ANXA10: variants seen among roughly 807,000 people sequenced by gnomAD.
The protein encoded by ANXA10 is annexin 14.
Under a neutral mutation model 53.5 loss-of-function variants are expected in ANXA10, and 49 were observed. The observed-to-expected ratio is 0.92, with a 90% CI of 0.73 to 1.16. ANXA10 has a LOEUF of 1.16. ANXA10 is among the 50% of genes most tolerant of loss of function. ANXA10 has a pLI of 0.00. For missense variants in ANXA10, 393 were observed against 394.4 expected (o/e 1.00, Z 0.03); for synonymous variants, 131 against 128.9 (o/e 1.02, Z -0.11).
chr4:168,141,230 G>C (rs1343061646), intron 3 of ANXA10, among the ~76,000 whole-genome samples: 1 of 152,120 alleles, frequency 6.6e-6, no homozygotes, highest in Non-Finnish European at 1.5e-5. Context: ...AAATTGCACT[G>C]CCTGGAAAAC....
chr4:168,156,215 A>G (rs1578923491), intron 3 of ANXA10, among the ~76,000 whole-genome samples: 1 of 22,256 alleles, frequency 4.5e-5, no homozygotes, highest in African/African-American at 2.3e-4. Flanking sequence ...ATTATATTAT[A>G]TGTAATATGT....
At chr4:168,183,144 A>T (rs550290006) in intron 10 of ANXA10, among the ~76,000 whole-genome samples, 1 of 152,338 alleles carries the variant, frequency 6.6e-6, no homozygotes, top group South Asian at 2.1e-4. Flanking sequence ...TTTAATCATC[A>T]GTTTTATCCT....
intron 1 of ANXA10, among the ~76,000 whole-genome samples, chr4:168,125,860 C>A (rs551929599): frequency 2.6e-5 from 4 of 152,018 alleles, no homozygotes; most frequent in Non-Finnish European, 5.9e-5. Flanking sequence ...GGAGAGTATT[C>A]TTTATTCCTT....
At chr4:168,155,855 CATATATG>C (rs1560783922) in intron 3 of ANXA10, among the ~76,000 whole-genome samples, 97 of 2,448 alleles carry the variant, frequency 0.04, 9 homozygotes, top group African/African-American at 0.1. Context: ...TATAATATAT[CATATATG>C]ATATATCATA....
At chr4:168,176,447 A>G (rs1469004702) in intron 6 of ANXA10, among the ~76,000 whole-genome samples, 1 of 152,114 alleles carries the variant, frequency 6.6e-6, no homozygotes, top group African/African-American at 2.4e-5. Flanking sequence ...ACATAGTTCA[A>G]ATCAATGTGG....
intron 2 of ANXA10, among the ~76,000 whole-genome samples, chr4:168,136,731 G>C (rs1731243728): frequency 6.6e-6 from 1 of 152,164 alleles, no homozygotes; most frequent in Non-Finnish European, 1.5e-5. Context: ...CAAGATGTCA[G>C]TTCATCTACC....
At chr4:168,118,789 G>A (rs1309773933) in intron 1 of ANXA10, among the ~76,000 whole-genome samples, 1 of 152,146 alleles carries the variant, frequency 6.6e-6, no homozygotes, top group Non-Finnish European at 1.5e-5. Flanking sequence ...TTGCTGAAAT[G>A]TGTAAAGACA....
At chr4:168,140,168 T>C (rs1393045466) in intron 3 of ANXA10, among the ~76,000 whole-genome samples, 1 of 152,226 alleles carries the variant, frequency 6.6e-6, no homozygotes. Flanking sequence ...GCAAGTACCA[T>C]TAAAGATTCC....
intron 1 of ANXA10, among the ~76,000 whole-genome samples, chr4:168,097,701 G>A (rs1013220995): frequency 6.6e-6 from 1 of 151,960 alleles, no homozygotes; most frequent in African/African-American, 2.4e-5. Context: ...GGTGTCCCTG[G>A]TCCCACCTCC....
At chr4:168,096,758 A>G (rs9799627) in intron 1 of ANXA10, among the ~76,000 whole-genome samples, 80,218 of 150,978 alleles carry the variant, frequency 0.53, 22,438 homozygotes, top group Non-Finnish European at 0.63. Flanking sequence ...TATCTGGAGC[A>G]TAGAAGCATC....
At chr4:168,184,817 C>A in intron 11 of ANXA10, 136 bp downstream of exon 11, 1 of 1,172,468 alleles carries the variant, frequency 8.5e-7, no homozygotes, top group Non-Finnish European at 1.2e-6. Context: ...TAGTTTTTTT[C>A]CTCTACACAG....
chr4:168,129,079 C>A (rs1203164132), intron 2 of ANXA10, among the ~76,000 whole-genome samples: 1 of 152,064 alleles, frequency 6.6e-6, no homozygotes, highest in Non-Finnish European at 1.5e-5. Flanking sequence ...TAAAAGAAAT[C>A]TTTGCATAAG....
At chr4:168,170,549 G>A (rs558721979) in intron 6 of ANXA10, among the ~76,000 whole-genome samples, 13 of 152,220 alleles carry the variant, frequency 8.5e-5, no homozygotes, top group African/African-American at 2.9e-4. Context: ...ACTCTTTTCC[G>A]TTTGTGGTTC....
intron 2 of ANXA10, among the ~76,000 whole-genome samples, chr4:168,137,872 CA>C (rs1308487043): frequency 6.6e-6 from 1 of 151,960 alleles, no homozygotes; most frequent in Non-Finnish European, 1.5e-5. Context: ...TACTGTTTCC[CA>C]CAAAGATCAT....
chr4:168,139,626 A>C, intron 3 of ANXA10, 46 bp downstream of exon 3: 1 of 1,438,064 alleles, frequency 7.0e-7, no homozygotes, highest in Non-Finnish European at 9.7e-7. Context: ...ATCTCTTGAG[A>C]ACTAACCACA....
chr4:168,120,432 G>T (rs1579208443), intron 1 of ANXA10, among the ~76,000 whole-genome samples: 1 of 152,060 alleles, frequency 6.6e-6, no homozygotes, highest in African/African-American at 2.4e-5. Flanking sequence ...ATTCATTTAA[G>T]AAAATATTAA....
chr4:168,114,326 T>A (rs1231167978), intron 1 of ANXA10, among the ~76,000 whole-genome samples: 1 of 152,114 alleles, frequency 6.6e-6, no homozygotes, highest in Non-Finnish European at 1.5e-5. Flanking sequence ...CAGGCTGGAG[T>A]GCAGTGGTGC....
rs779884878 is a variant in ANXA10, at chr4:168,128,120, C to G, written c.55C>G (p.Pro19Ala). ...GTIFPAPNFN[P>A]IMDAQMLGGA... ...CATCTTCCCAGCTCCCAATTTCAAT[C>G]CCATAATGGATGCCCAAATGCTAGG... The change falls in exon 2 of 12, where the codon CCC becomes GCC. Residue 19 changes from proline to alanine, a missense_variant. By Grantham distance (27) the Pro-to-Ala change is conservative (BLOSUM62 -1). Coordinates refer to ENST00000359299, the MANE Select transcript of ANXA10 (RefSeq NM_007193.5). 1 of 1,613,478 alleles carries G rather than the reference C, an allele frequency of 6.2e-7. No homozygotes were observed. Among genetic ancestry groups the G allele is most frequent in the Non-Finnish European group, 8.5e-7 (1 of 1,179,688 alleles).
chr4:168,129,821 A>G (rs771273105), intron 2 of ANXA10, among the ~76,000 whole-genome samples: 1 of 152,134 alleles, frequency 6.6e-6, no homozygotes, highest in Non-Finnish European at 1.5e-5. Flanking sequence ...AACATTCCCT[A>G]ATAGTACAGT....
Sources: allele counts gnomAD v4.1 joint callset (sites outside exome capture counted in the v4.1 genomes callset), GRCh38; gene constraint gnomAD v4.1.1; transcripts MANE v1.5; gene names NCBI Gene and HGNC (gene_info 2026-07-23, HGNC 2026-07-21).